Variants in SMIM17 observed in about 807,000 individuals in gnomAD.
SMIM17 encodes the protein small integral membrane protein 17.
A neutral mutation model predicts 12.2 loss-of-function variants in SMIM17; 10 were observed. The ratio of observed to expected loss-of-function variants is 0.82; its 90% CI spans 0.50 to 1.39. SMIM17 has a LOEUF of 1.39. SMIM17 is among the 40% of genes most tolerant of loss of function. The pLI is 0.00. For missense variants in SMIM17, 136 were observed against 118.2 expected (o/e 1.15, Z -0.70); for synonymous variants, 50 against 44.1 (o/e 1.13, Z -0.53).
At chr19:56,643,560 T>G (rs1009538158) in intron 1 of SMIM17, among the ~76,000 whole-genome samples, 1 of 152,114 alleles carries the variant, frequency 6.6e-6, no homozygotes, top group African/African-American at 2.4e-5. Flanking sequence ...CTCGTCTCGC[T>G]GGGGCTTGGT....
intron 3 of SMIM17, among the ~76,000 whole-genome samples, chr19:56,650,550 C>T (rs930395601): frequency 6.6e-6 from 1 of 152,148 alleles, no homozygotes. Context: ...AACTCATGAG[C>T]CTTGTGAGAT....
intron 3 of SMIM17, among the ~76,000 whole-genome samples, chr19:56,652,882 CT>C (rs2045120526): frequency 6.6e-6 from 1 of 152,144 alleles, no homozygotes; most frequent in South Asian, 2.1e-4. Context: ...GCCAATACCC[CT>C]AGCCTCCAGG....
chr19:56,647,713 G>T, intron 3 of SMIM17, 79 bp downstream of exon 3: 1 of 1,257,348 alleles, frequency 8.0e-7, no homozygotes, highest in East Asian at 2.5e-5. Context: ...TGCATTCTCA[G>T]CTTGGAATTT....
At chr19:56,648,758 G>T (rs545420004) in intron 3 of SMIM17, among the ~76,000 whole-genome samples, 1 of 152,294 alleles carries the variant, frequency 6.6e-6, no homozygotes, top group East Asian at 1.9e-4. Context: ...TAAAACCAAA[G>T]ACAATTATCA....
At chr19:56,653,768 C>G (rs7259998) in intron 3 of SMIM17, among the ~76,000 whole-genome samples, 6 of 152,224 alleles carry the variant, frequency 3.9e-5, no homozygotes, top group African/African-American at 9.6e-5. Context: ...AGGTGTCATC[C>G]AGAGGGAATC....
intron 3 of SMIM17, among the ~76,000 whole-genome samples, chr19:56,651,379 C>CA (rs1331820786): frequency 2.0e-5 from 3 of 152,112 alleles, no homozygotes; most frequent in African/African-American, 7.2e-5. Context: ...TTCTCCTAGT[C>CA]ACTATACCTC....
At chr19:56,648,103 A>G (rs1485707251) in intron 3 of SMIM17, among the ~76,000 whole-genome samples, 2 of 122,066 alleles carry the variant, frequency 1.6e-5, no homozygotes, top group Non-Finnish European at 3.4e-5. Context: ...CCATCCATCC[A>G]TCCCTATACT....
intron 3 of SMIM17, among the ~76,000 whole-genome samples, chr19:56,653,256 T>G (rs182440066): frequency 1.5e-3 from 224 of 152,366 alleles, no homozygotes; most frequent in African/African-American, 4.9e-3. Flanking sequence ...TGTTGTTGAA[T>G]TTTATCTAAA....
chr19:56,651,840 AC>A (rs2045111269), intron 3 of SMIM17, among the ~76,000 whole-genome samples: 1 of 152,084 alleles, frequency 6.6e-6, no homozygotes, highest in South Asian at 2.1e-4. Flanking sequence ...ACAGTGGCTC[AC>A]GTCTATAATC....
At chr19:56,644,539 C>T (rs537777033) in intron 1 of SMIM17, among the ~76,000 whole-genome samples, 1 of 152,280 alleles carries the variant, frequency 6.6e-6, no homozygotes, top group South Asian at 2.1e-4. Flanking sequence ...ACAGGATGGG[C>T]GACACCAGTC....
chr19:56,646,691 A>C (rs1408194668), intron 2 of SMIM17, among the ~76,000 whole-genome samples: 1 of 152,146 alleles, frequency 6.6e-6, no homozygotes, highest in Admixed American at 6.5e-5. Context: ...TCCAAGACAG[A>C]GGTGAGGTAA....
Position 56,645,752 on chromosome 19 carries a change from T to A in SMIM17, c.85T>A (p.Trp29Arg). The change falls in exon 2 of 4, where the codon TGG (tryptophan) becomes AGG (arginine). Residue 29 changes from tryptophan (W) to arginine (R), a missense_variant. Trp to Arg is a moderately radical substitution (Grantham distance 101). Coordinates refer to ENST00000598409, the MANE Select transcript of SMIM17 (RefSeq NM_001193628.2). ...KTLLPRESRA[W>R]EKPPHPACTK... is the part of the protein sequence containing the mutation. ...TCTGCTGCCTCGGGAGAGCCGGGCC[T>A]GGGAGAAGCCTCCTCATCCCGCCTG... The A allele has an allele frequency of 1.3e-6, 2 of 1,535,854 alleles. No individual in the cohort carries two copies. The highest frequency in any genetic ancestry group is 1.7e-6 in the Non-Finnish European group (2 of 1,146,822).
intron 3 of SMIM17, among the ~76,000 whole-genome samples, chr19:56,652,565 T>A (rs1227938629): frequency 6.6e-6 from 1 of 151,716 alleles, no homozygotes; most frequent in South Asian, 2.1e-4. Context: ...AGGCAGAGAA[T>A]TGCTTGAACC....
chr19:56,655,438 A>G lies in SMIM17; in HGVS notation c.*225A>G. Reference sequence around the variant, plus strand: ...TTGATTGTAAAACATTATTTTGTATACCACGGAGAAAGAAAAGTGCTAATT... The same window carrying G: ...TTGATTGTAAAACATTATTTTGTATGCCACGGAGAAAGAAAAGTGCTAATT... On this transcript the variant is annotated 3_prime_UTR_variant, in exon 4 of 4. Coordinates refer to ENST00000598409, the MANE Select transcript of SMIM17 (RefSeq NM_001193628.2). 2.3e-6 allele frequency: 1 copy of G among 426,610 alleles called. No homozygotes were observed. Among genetic ancestry groups the G allele is most frequent in the Non-Finnish European group, 4.1e-6 (1 of 242,552 alleles). 26.4% of individuals were successfully genotyped at this position (426,610 alleles called of 1,614,324 possible).
Position 56,656,190 on chromosome 19 carries a change from C to T in SMIM17, c.*977C>T, listed in dbSNP as rs1182289708. 1.3e-5 allele frequency among the ~76,000 whole-genome samples: 2 copies of T among 152,128 alleles called. No individual in the cohort carries two copies. The highest frequency in any genetic ancestry group is 2.4e-5 in the African/African-American group (1 of 41,520). On this transcript the variant is annotated 3_prime_UTR_variant, in exon 4 of 4. Coordinates refer to ENST00000598409, the MANE Select transcript of SMIM17 (RefSeq NM_001193628.2). ...CGATCTCCTGACCTCGTGATCCGCCCGCCTTGGCCTCCCAAAGTGCTGGGA... is the reference window on the plus strand; with the variant it reads ...CGATCTCCTGACCTCGTGATCCGCCTGCCTTGGCCTCCCAAAGTGCTGGGA...
At chr19:56,653,312 A>T (rs1311665454) in intron 3 of SMIM17, among the ~76,000 whole-genome samples, 1 of 152,248 alleles carries the variant, frequency 6.6e-6, no homozygotes, top group African/African-American at 2.4e-5. Flanking sequence ...ATTCCAAAAA[A>T]GGAAATTATG....
intron 3 of SMIM17, among the ~76,000 whole-genome samples, chr19:56,651,562 A>C (rs2045109441): frequency 6.6e-6 from 1 of 152,220 alleles, no homozygotes. Context: ...ATCTAAGTGC[A>C]TGAGATTTTA....
At chr19:56,644,916 A>C (rs1346532409) in intron 1 of SMIM17, among the ~76,000 whole-genome samples, 4 of 152,314 alleles carry the variant, frequency 2.6e-5, no homozygotes, top group South Asian at 2.1e-4. Context: ...GTGACACCAC[A>C]CCTGGCTAAT....
chr19:56,650,249 C>A (rs1343374347), intron 3 of SMIM17, among the ~76,000 whole-genome samples: 1 of 152,182 alleles, frequency 6.6e-6, no homozygotes, highest in Non-Finnish European at 1.5e-5. Context: ...TTACTGCTCA[C>A]TGCAACCTCC....
Sources: gnomAD v4.1 joint callset for allele counts (sites outside exome capture counted in the v4.1 genomes callset) on GRCh38, gnomAD v4.1.1 for gene constraint, MANE v1.5 for transcripts, NCBI Gene and HGNC (gene_info 2026-07-23, HGNC 2026-07-21) for gene names.